GSG1L: variants seen among roughly 807,000 people sequenced by gnomAD.
The protein encoded by GSG1L is germ cell-specific gene 1-like protein.
A neutral mutation model predicts 42.1 loss-of-function variants in GSG1L; 24 were observed. The ratio of observed to expected loss-of-function variants is 0.57; its 90% CI spans 0.41 to 0.80. The LOEUF (loss-of-function observed/expected upper bound fraction) is 0.80, where lower values mean the gene tolerates loss of function less well. Ranked by LOEUF, GSG1L falls within the 30% of genes least tolerant of loss-of-function variation. The pLI is 0.00. For synonymous variants in GSG1L, 215 were observed against 203.5 expected, an observed-to-expected ratio of 1.06 and a Z score of -0.48; for missense variants, 445 against 472.2, an observed-to-expected ratio of 0.94 and a Z score of 0.53.
At chr16:27,999,161 G>A (rs1303593073) in intron 1 of GSG1L, among the ~76,000 whole-genome samples, 2 of 152,186 alleles carry the variant, frequency 1.3e-5, no homozygotes, top group Non-Finnish European at 2.9e-5. Context: ...TCAATGATTG[G>A]GTCAGGCGCA....
At chr16:27,945,237 C>T (rs2084848697) in intron 2 of GSG1L, among the ~76,000 whole-genome samples, 1 of 151,974 alleles carries the variant, frequency 6.6e-6, no homozygotes, top group Admixed American at 6.6e-5. Context: ...CACTAAAAAC[C>T]ACTGAATTAT....
chr16:27,856,101 T>G (rs745877493), intron 3 of GSG1L, among the ~76,000 whole-genome samples: 8 of 152,098 alleles, frequency 5.3e-5, no homozygotes, highest in Non-Finnish European at 1.2e-4. Context: ...GTCCTAGGCG[T>G]TAGTGGGTGC....
chr16:27,840,069 G>A (rs1293133149), intron 4 of GSG1L, among the ~76,000 whole-genome samples: 1 of 144,682 alleles, frequency 6.9e-6, no homozygotes, highest in Non-Finnish European at 1.5e-5. Flanking sequence ...AGAACCTCCA[G>A]CCCAGACTGG....
Position 27,980,886 on chromosome 16 carries a change from C to T in GSG1L, c.350-17683G>A, listed in dbSNP as rs1403027244. On this transcript the variant is annotated intron_variant, in intron 1 of 6. Transcript: ENST00000447459. ...ATAGAGTGAGATGTCGTCTCAAAAACCAAAAACCAAAAAACAAAAAAAAAA... is the reference window on the plus strand; with the variant it reads ...ATAGAGTGAGATGTCGTCTCAAAAATCAAAAACCAAAAAACAAAAAAAAAA... 2.9e-5 allele frequency among the ~76,000 whole-genome samples: 3 copies of T among 103,130 alleles called. No individual in the cohort carries two copies. In the Admixed American group the frequency reaches 3.2e-4, roughly 11 times the overall value. The allele number at this position is 103,130 out of a possible 152,430, so 67.7% of individuals were successfully genotyped here. A position where few individuals can be genotyped will look rare whatever the true frequency, so the allele number is the denominator to read the frequency against.
intron 6 of GSG1L, among the ~76,000 whole-genome samples, chr16:27,797,388 T>C (rs1431584519): frequency 6.6e-6 from 1 of 151,632 alleles, no homozygotes; most frequent in Non-Finnish European, 1.5e-5. Flanking sequence ...CTTGGTGTGG[T>C]AGCAGGTGCC....
chr16:27,818,748 G>A (rs1370248290), intron 5 of GSG1L, among the ~76,000 whole-genome samples: 1 of 152,116 alleles, frequency 6.6e-6, no homozygotes, highest in Non-Finnish European at 1.5e-5. Context: ...CACGTAAAAA[G>A]GGTCATTGCA....
At chr16:27,945,004 G>C (rs1401535577) in intron 2 of GSG1L, among the ~76,000 whole-genome samples, 2 of 150,982 alleles carry the variant, frequency 1.3e-5, no homozygotes, top group African/African-American at 2.4e-5. Context: ...TTGAGCCCAG[G>C]AGGTGGAGGC....
chr16:28,021,372 AAC>A (rs1237100987), intron 1 of GSG1L, among the ~76,000 whole-genome samples: 1 of 152,134 alleles, frequency 6.6e-6, no homozygotes, highest in African/African-American at 2.4e-5. Flanking sequence ...CCAGGATTTG[AAC>A]ACAGACTGTC....
intron 6 of GSG1L, among the ~76,000 whole-genome samples, chr16:27,803,796 G>GATATATATATATATAGATATATATAT (rs879523842): frequency 2.8e-4 from 21 of 73,810 alleles, no homozygotes; most frequent in African/African-American, 1.1e-3. Flanking sequence ...TATATATATA[G>GATATATATATATATAGATATATATAT]ATAGATAGAT....
At chr16:28,007,351 C>T (rs1351586902) in intron 1 of GSG1L, among the ~76,000 whole-genome samples, 3 of 152,116 alleles carry the variant, frequency 2.0e-5, no homozygotes, top group Non-Finnish European at 4.4e-5. Flanking sequence ...GTATAACCGG[C>T]ATCTAGAGAC....
At chr16:27,946,584 AGAGAGAGAG>A (rs1567529772) in intron 2 of GSG1L, among the ~76,000 whole-genome samples, 80 of 22,702 alleles carry the variant, frequency 3.5e-3, no homozygotes, top group African/African-American at 7.4e-3. Flanking sequence ...AAAGAAAGAG[AGAGAGAGAG>A]AGAGAGAGAG....
chr16:27,819,483 C>T (rs1018478107), intron 5 of GSG1L, among the ~76,000 whole-genome samples: 1 of 152,182 alleles, frequency 6.6e-6, no homozygotes, highest in Non-Finnish European at 1.5e-5. Context: ...TCAGAAGTCC[C>T]TTTCAGCACC....
intron 4 of GSG1L, among the ~76,000 whole-genome samples, chr16:27,843,504 TAA>T (rs55755431): frequency 1.5e-3 from 116 of 75,914 alleles, no homozygotes; most frequent in African/African-American, 4.8e-3. Context: ...AGAGACTCTG[TAA>T]AAAAAAAAAA....
chr16:27,976,148 G>A (rs546590673), intron 1 of GSG1L, among the ~76,000 whole-genome samples: 30 of 152,194 alleles, frequency 2.0e-4, no homozygotes, highest in Admixed American at 5.2e-4. Flanking sequence ...AGTGGTGCAC[G>A]CCTGTAATCC....
At chr16:27,834,126 TGA>T (rs1457693003) in intron 4 of GSG1L, among the ~76,000 whole-genome samples, 1 of 152,180 alleles carries the variant, frequency 6.6e-6, no homozygotes, top group Admixed American at 6.5e-5. Context: ...CTGAATTTTC[TGA>T]GAGTTTTTTA....
chr16:28,033,420 G>A (rs183070582), intron 1 of GSG1L, among the ~76,000 whole-genome samples: 1 of 152,308 alleles, frequency 6.6e-6, no homozygotes. Flanking sequence ...GGAAGTGGGT[G>A]ACTGGGAATG....
chr16:27,803,983 AGAT>A (rs769981203), intron 6 of GSG1L, among the ~76,000 whole-genome samples: 2 of 151,712 alleles, frequency 1.3e-5, no homozygotes, highest in East Asian at 3.9e-4. Flanking sequence ...ATTGATGGAT[AGAT>A]GATTGACAGA....
At chr16:27,844,485 A>G (rs923142333) in intron 4 of GSG1L, among the ~76,000 whole-genome samples, 1 of 152,112 alleles carries the variant, frequency 6.6e-6, no homozygotes, top group African/African-American at 2.4e-5. Flanking sequence ...GCAGGGGGTC[A>G]GAGAGTATTT....
intron 2 of GSG1L, among the ~76,000 whole-genome samples, chr16:27,898,532 C>T (rs1030708492): frequency 1.3e-5 from 2 of 150,936 alleles, no homozygotes; most frequent in Non-Finnish European, 1.5e-5. Context: ...TTGCTTTGTT[C>T]CCTCCCCTGT....
Sources: gnomAD v4.1 joint callset for allele counts (sites outside exome capture counted in the v4.1 genomes callset) on GRCh38, gnomAD v4.1.1 for gene constraint, MANE v1.5 for transcripts, NCBI Gene and HGNC (gene_info 2026-07-23, HGNC 2026-07-21) for gene names.